The following CFAP54 variants were observed in gnomAD, a reference collection of about 807,000 sequenced individuals.
CFAP54 encodes cilia and flagella associated protein 54, also known as cilia- and flagella-associated protein 54.
In CFAP54, 290 loss-of-function variants were observed where a neutral mutation model predicts 370.4. The observed-to-expected ratio is 0.78, with a 90% CI of 0.71 to 0.86. The LOEUF is 0.86. Ranked by LOEUF, CFAP54 falls within the 40% of genes least tolerant of loss-of-function variation. CFAP54 has a pLI of 0.00. For synonymous variants in CFAP54, 1,206 were observed against 1,236.5 expected (o/e 0.98, Z 0.52); for missense variants, 3,399 against 3,528.7 (o/e 0.96, Z 0.93).
chr12:96,553,421 G>A (rs1180502377), intron 15 of CFAP54, among the ~76,000 whole-genome samples: 1 of 150,570 alleles, frequency 6.6e-6, no homozygotes, highest in Non-Finnish European at 1.5e-5. Context: ...CCAAATTCAA[G>A]GACAGTGGCT....
At chr12:96,724,775 C>T (rs1957809183) in intron 50 of CFAP54, among the ~76,000 whole-genome samples, 2 of 152,136 alleles carry the variant, frequency 1.3e-5, no homozygotes, top group African/African-American at 2.4e-5. Context: ...AATGGTAATG[C>T]CTAGGTTTTC....
intron 66 of CFAP54, among the ~76,000 whole-genome samples, chr12:96,844,330 G>A (rs1445261664): frequency 3.9e-5 from 6 of 152,120 alleles, no homozygotes; most frequent in South Asian, 2.1e-4. Flanking sequence ...ATGTGATGAC[G>A]GAAGCAGAGA....
chr12:96,641,691 A>G (rs1266927234), intron 32 of CFAP54, among the ~76,000 whole-genome samples: 1 of 152,218 alleles, frequency 6.6e-6, no homozygotes, highest in Non-Finnish European at 1.5e-5. Context: ...ATGTCCAACA[A>G]TGATAGACTG....
chr12:96,604,005 G>T (rs190035608), intron 26 of CFAP54, among the ~76,000 whole-genome samples: 2 of 152,194 alleles, frequency 1.3e-5, no homozygotes, highest in East Asian at 3.8e-4. Flanking sequence ...CCTTGCTGGT[G>T]AGGAGTTGTG....
chr12:96,760,148 G>A (rs7299625), intron 58 of CFAP54, among the ~76,000 whole-genome samples: 55,266 of 151,922 alleles, frequency 0.36, 10,810 homozygotes, highest in East Asian at 0.58. Flanking sequence ...AGGGACTAAT[G>A]CTGTTTTGGG....
At chr12:96,827,747 AATACATAGTAACATATTAT>A (rs1959134892) in intron 65 of CFAP54, among the ~76,000 whole-genome samples, 1 of 119,466 alleles carries the variant, frequency 8.4e-6, no homozygotes, top group African/African-American at 3.4e-5. Flanking sequence ...AATTATATAT[AATACATAGTAACATATTAT>A]ATTATATATA....
chr12:96,651,483 A>G (rs1051250993), intron 35 of CFAP54, 105 bp from the exon 36 acceptor site: 3 of 846,052 alleles, frequency 3.5e-6, no homozygotes, highest in Non-Finnish European at 5.7e-6. Flanking sequence ...AAATGATGTT[A>G]GTTATTTTTA....
At chr12:96,524,575 A>C (rs1327093373) in intron 8 of CFAP54, among the ~76,000 whole-genome samples, 1 of 152,194 alleles carries the variant, frequency 6.6e-6, no homozygotes, top group Non-Finnish European at 1.5e-5. Flanking sequence ...AACGGGCAGA[A>C]TTTGGTTAGA....
chr12:96,567,993 G>T (rs1333681749), intron 19 of CFAP54, among the ~76,000 whole-genome samples: 1 of 152,108 alleles, frequency 6.6e-6, no homozygotes, highest in African/African-American at 2.4e-5. Context: ...AAGCTCAGGG[G>T]TACTGGAAGT....
At position 96,753,081 on chromosome 12, in the gene CFAP54, G is replaced by A. The variant is rs559772641; in HGVS notation, c.7685-662G>A. 8.5e-5 allele frequency among the ~76,000 whole-genome samples: 13 copies of A among 152,050 alleles called. No homozygotes were observed. In the South Asian group the frequency reaches 1.2e-3, roughly 15 times the overall value. On this transcript the variant is annotated intron_variant, in intron 55 of 67. Transcript: ENST00000524981. Reference sequence around the variant, plus strand: ...TTAGCTCTTATTATTTTCTTTTTTCGTTTTTGTCAAGTACCTAAGCACTTA... The same window carrying A: ...TTAGCTCTTATTATTTTCTTTTTTCATTTTTGTCAAGTACCTAAGCACTTA...
chr12:96,787,653 T>C (rs1432495930), intron 62 of CFAP54, among the ~76,000 whole-genome samples: 2 of 152,206 alleles, frequency 1.3e-5, no homozygotes, highest in Admixed American at 1.3e-4. Context: ...ATACCTACTG[T>C]GTGCCAGAGA....
intron 50 of CFAP54, among the ~76,000 whole-genome samples, chr12:96,730,762 C>A (rs1412236353): frequency 6.6e-6 from 1 of 152,096 alleles, no homozygotes; most frequent in Admixed American, 6.5e-5. Flanking sequence ...AAGGGGAAAT[C>A]AATTCAGCAG....
intron 46 of CFAP54, among the ~76,000 whole-genome samples, chr12:96,700,820 G>A (rs1273088355): frequency 1.3e-5 from 2 of 152,134 alleles, no homozygotes; most frequent in Non-Finnish European, 2.9e-5. Flanking sequence ...GGAGAAGGTA[G>A]CAAGTCAGTT....
chr12:96,532,849 G>A (rs145975987), intron 9 of CFAP54, among the ~76,000 whole-genome samples: 80 of 152,178 alleles, frequency 5.3e-4, no homozygotes, highest in African/African-American at 1.9e-3. Flanking sequence ...TCGAACTCCT[G>A]GGCTCAAGGG....
chr12:96,557,464 T>A (rs921617547), intron 17 of CFAP54, among the ~76,000 whole-genome samples: 1 of 152,112 alleles, frequency 6.6e-6, no homozygotes, highest in African/African-American at 2.4e-5. Flanking sequence ...TTCTTGAACG[T>A]GTACACCAAC....
At chr12:96,777,512 G>A (rs1187614559) in intron 60 of CFAP54, among the ~76,000 whole-genome samples, 2 of 152,006 alleles carry the variant, frequency 1.3e-5, no homozygotes, top group Admixed American at 1.3e-4. Flanking sequence ...ACCATGCCCG[G>A]CTAATTTTGT....
intron 9 of CFAP54, among the ~76,000 whole-genome samples, chr12:96,530,133 T>G (rs1955426400): frequency 6.6e-6 from 1 of 152,192 alleles, no homozygotes; most frequent in African/African-American, 2.4e-5. Flanking sequence ...GGTGGCCGTA[T>G]GTGTGTTGTC....
chr12:96,634,308 C>T (rs1956642132), intron 32 of CFAP54, among the ~76,000 whole-genome samples: 1 of 151,962 alleles, frequency 6.6e-6, no homozygotes, highest in Non-Finnish European at 1.5e-5. Flanking sequence ...CTTGCTTCAG[C>T]CTCCCAAAGT....
chr12:96,767,931 G>A (rs1958416524), intron 60 of CFAP54, among the ~76,000 whole-genome samples: 1 of 152,116 alleles, frequency 6.6e-6, no homozygotes, highest in Admixed American at 6.5e-5. Context: ...TCAGAGAGAA[G>A]GAAGAGTCAG....
Sources: allele counts gnomAD v4.1 joint callset (sites outside exome capture counted in the v4.1 genomes callset), GRCh38; gene constraint gnomAD v4.1.1; transcripts MANE v1.5; gene names NCBI Gene and HGNC (gene_info 2026-07-23, HGNC 2026-07-21).